Variants in TMEM53 observed in about 807,000 individuals in gnomAD.
The protein encoded by TMEM53 is transmembrane protein 53.
A neutral mutation model predicts 21.4 loss-of-function variants in TMEM53; 14 were observed. That is an observed-to-expected ratio of 0.65 (90% CI 0.43 to 1.02). TMEM53 has a LOEUF of 1.02. Ranked by LOEUF, TMEM53 falls within the 50% of genes least tolerant of loss-of-function variation. TMEM53 has a pLI of 0.00. For synonymous variants in TMEM53, 148 were observed against 157.4 expected, an observed-to-expected ratio of 0.94 and a Z score of 0.45; for missense variants, 323 against 383.6, an observed-to-expected ratio of 0.84 and a Z score of 1.32.
intron 1 of TMEM53, among the ~76,000 whole-genome samples, chr1:44,669,449 C>T (rs1410377438): frequency 6.6e-6 from 1 of 152,144 alleles, no homozygotes; most frequent in Non-Finnish European, 1.5e-5. Flanking sequence ...TCAGGCAGCC[C>T]CTCCTAATGG....
At chr1:44,657,265 A>C (rs1644859164) in intron 2 of TMEM53, among the ~76,000 whole-genome samples, 1 of 152,158 alleles carries the variant, frequency 6.6e-6, no homozygotes, top group Non-Finnish European at 1.5e-5. Context: ...AACTAGATGC[A>C]ATGTGTGATC....
chr1:44,663,235 T>C (rs955158666), intron 1 of TMEM53, among the ~76,000 whole-genome samples: 3 of 146,724 alleles, frequency 2.0e-5, no homozygotes, highest in Non-Finnish European at 4.5e-5. Context: ...AAAAACACTT[T>C]TGTTGTTGTT....
At chr1:44,668,839 G>A (rs766758823) in intron 1 of TMEM53, among the ~76,000 whole-genome samples, 6 of 152,168 alleles carry the variant, frequency 3.9e-5, no homozygotes, top group South Asian at 2.1e-4. Flanking sequence ...CACTGTACCC[G>A]GCCAAATTAC....
intron 1 of TMEM53, among the ~76,000 whole-genome samples, chr1:44,665,857 CAA>C (rs1384277838): frequency 6.6e-6 from 1 of 151,610 alleles, no homozygotes; most frequent in Non-Finnish European, 1.5e-5. Flanking sequence ...AACAAACAAA[CAA>C]AAGAGATAAA....
intron 2 of TMEM53, among the ~76,000 whole-genome samples, chr1:44,657,952 C>T (rs1046061182): frequency 3.3e-5 from 5 of 152,046 alleles, no homozygotes; most frequent in Non-Finnish European, 1.5e-5. Flanking sequence ...ACTACCCCTC[C>T]CCCAACCCTG....
At chr1:44,666,288 T>C (rs911125566) in intron 1 of TMEM53, among the ~76,000 whole-genome samples, 4 of 152,232 alleles carry the variant, frequency 2.6e-5, no homozygotes, top group Non-Finnish European at 5.9e-5. Flanking sequence ...AAATGCATAA[T>C]GGTGCAGCCA....
At chr1:44,673,477 T>C (rs1320136111) in intron 1 of TMEM53, among the ~76,000 whole-genome samples, 2 of 152,192 alleles carry the variant, frequency 1.3e-5, no homozygotes, top group Non-Finnish European at 2.9e-5. Flanking sequence ...TCAAGGCCCT[T>C]CTGCCAGAAT....
At chr1:44,667,964 A>C (rs1644963625) in intron 1 of TMEM53, among the ~76,000 whole-genome samples, 1 of 152,226 alleles carries the variant, frequency 6.6e-6, no homozygotes, top group African/African-American at 2.4e-5. Context: ...TGCCAGAATT[A>C]CAAATACGTA....
chr1:44,658,602 G>A (rs1644870732), intron 2 of TMEM53, among the ~76,000 whole-genome samples: 1 of 152,120 alleles, frequency 6.6e-6, no homozygotes, highest in East Asian at 1.9e-4. Flanking sequence ...CCAGGCTAGA[G>A]TGCAGTGGTG....
rs1644838348 is a variant in TMEM53, at chr1:44,655,183, G to T, written c.210C>A (p.Ala70=). The change falls in exon 3 of 3, where the codon GCC becomes GCA. Residue 70 remains alanine, a synonymous_variant. Transcript: ENST00000372237. The surrounding 1 kb of genome is among the most constrained non-coding windows in gnomAD (Gnocchi z 4.4). The stretch of plus-strand genomic sequence containing the variant: ...CGGAGAAGAAGACCATGTGCCACGG[G>T]GCTGTGTATCGGATTACGATGCAGC... ...KRGCIVIRYT[A]PWHMVFFSES... 1.2e-6 allele frequency: 2 copies of T among 1,611,356 alleles called. No homozygotes were observed. Among genetic ancestry groups the T allele is most frequent in the Non-Finnish European group, 1.7e-6 (2 of 1,178,704 alleles).
chr1:44,672,576 ATGTT>A (rs1645011350), intron 1 of TMEM53, among the ~76,000 whole-genome samples: 1 of 152,216 alleles, frequency 6.6e-6, no homozygotes, highest in Non-Finnish European at 1.5e-5. Context: ...ACAGGCTAGA[ATGTT>A]TGGGCAGAAG....
chr1:44,662,839 A>G (rs966998173), intron 1 of TMEM53, among the ~76,000 whole-genome samples: 5 of 152,118 alleles, frequency 3.3e-5, no homozygotes, highest in African/African-American at 1.2e-4. Flanking sequence ...TGCACTCCCA[A>G]TTGCCAGAGG....
intron 1 of TMEM53, among the ~76,000 whole-genome samples, chr1:44,673,428 T>C (rs1360488666): frequency 2.0e-5 from 3 of 152,290 alleles, no homozygotes; most frequent in South Asian, 2.1e-4. Flanking sequence ...GCTGGACTAA[T>C]GCAAGTGAGG....
At chr1:44,660,641 A>C (rs992577725) in intron 1 of TMEM53, among the ~76,000 whole-genome samples, 2 of 152,130 alleles carry the variant, frequency 1.3e-5, no homozygotes, top group South Asian at 4.2e-4. Flanking sequence ...CCCACTGCCT[A>C]TTTTTGTATG....
Position 44,655,045 on chromosome 1 carries a change from G to A in TMEM53, c.348C>T (p.Gly116=), listed in dbSNP as rs375846008. The change falls in exon 3 of 3, where the codon GGC becomes GGT. Residue 116 remains glycine, a synonymous_variant. Coordinates refer to ENST00000372237, the MANE Select transcript of TMEM53 (RefSeq NM_024587.4). This position sits in a 1 kb window ranked among gnomAD's most constrained non-coding sequence, Gnocchi z 4.4. Reference sequence around the variant, plus strand: ...CCAGCACGTAGCGGTACAGCATGACGCCACCGTTGCTGAAGACATGGAAGA... The same window carrying A: ...CCAGCACGTAGCGGTACAGCATGACACCACCGTTGCTGAAGACATGGAAGA... The part of the protein sequence containing the change: ...PLLFHVFSNG[G]VMLYRYVLEL... The A allele has an allele frequency of 3.1e-6, 5 of 1,614,192 alleles. No individual in the cohort carries two copies. The highest frequency in any genetic ancestry group is 1.3e-5 in the African/African-American group (1 of 75,058).
chr1:44,656,826 A>G (rs1463649408), intron 2 of TMEM53, among the ~76,000 whole-genome samples: 1 of 152,164 alleles, frequency 6.6e-6, no homozygotes, highest in African/African-American at 2.4e-5. Flanking sequence ...AGCCTCACCA[A>G]CATGATGAAA....
chr1:44,667,255 A>G (rs1304283693), intron 1 of TMEM53, among the ~76,000 whole-genome samples: 1 of 152,018 alleles, frequency 6.6e-6, no homozygotes, highest in African/African-American at 2.4e-5. Context: ...TTATAAAGCA[A>G]TATCATAACA....
chr1:44,674,069 G>C (rs1645051604), intron 1 of TMEM53: 1 of 985,340 alleles, frequency 1.0e-6, no homozygotes, highest in Non-Finnish European at 1.2e-6. Flanking sequence ...GAGCACCCCG[G>C]ACAGGAAAGA....
At chr1:44,671,991 C>T (rs764121064) in intron 1 of TMEM53, among the ~76,000 whole-genome samples, 2 of 152,222 alleles carry the variant, frequency 1.3e-5, no homozygotes, top group Non-Finnish European at 2.9e-5. Context: ...TACACTTCTC[C>T]ACCATTAAAC....
Sources: gnomAD v4.1 joint callset for allele counts (sites outside exome capture counted in the v4.1 genomes callset) on GRCh38, gnomAD v4.1.1 for gene constraint, Gnocchi (gnomAD v3.1) non-coding constraint, MANE v1.5 for transcripts, NCBI Gene and HGNC (gene_info 2026-07-23, HGNC 2026-07-21) for gene names.